The following AACS variants were observed in gnomAD, a reference collection of about 807,000 sequenced individuals.
AACS encodes the protein acetoacetyl-CoA synthetase.
AACS carries 69 observed loss-of-function variants against 83.1 expected under a neutral mutation model. The ratio of observed to expected loss-of-function variants is 0.83; its 90% CI spans 0.68 to 1.01. The LOEUF is 1.01. AACS is among the 50% of genes least tolerant of loss of function. AACS has a pLI of 0.00. For synonymous variants in AACS, 333 were observed against 343.4 expected, an observed-to-expected ratio of 0.97 and a Z score of 0.33; for missense variants, 866 against 882.2, an observed-to-expected ratio of 0.98 and a Z score of 0.23.
Position 125,091,502 on chromosome 12 carries a change from G to A in AACS, c.549G>A (p.Thr183=), listed in dbSNP as rs778921424. ...AASIGAIWSS[T]SPDFGVNGVL... ...GCATTGGTGCCATCTGGAGCTCCACGTCCCCGGACTTCGGTGTGAATGTGA... is the reference window on the plus strand; with the variant it reads ...GCATTGGTGCCATCTGGAGCTCCACATCCCCGGACTTCGGTGTGAATGTGA... Residue 183 remains threonine (T), a synonymous_variant, in exon 5 of 18, where the codon ACG becomes ACA. Coordinates refer to ENST00000316519, the MANE Select transcript of AACS (RefSeq NM_023928.5). 64 of 1,614,114 alleles carry A rather than the reference G, an allele frequency of 4.0e-5. No homozygotes were observed. The Middle Eastern group carries it at 4.9e-4, about 12-fold the overall frequency.
chr12:125,074,981 T>G, intron 2 of AACS, among the ~76,000 whole-genome samples: 1 of 149,828 alleles, frequency 6.7e-6, no homozygotes, highest in East Asian at 2.0e-4. Flanking sequence ...CATAGTTTTT[T>G]TTTTTTTTTT....
chr12:125,086,263 A>C, intron 3 of AACS, 67 bp from the exon 4 acceptor site: 1 of 1,368,918 alleles, frequency 7.3e-7, no homozygotes, highest in African/African-American at 1.4e-5. Context: ...TTTTTCATTC[A>C]GTGTCTGGCT....
chr12:125,129,366 GGT>G lies in AACS; in HGVS notation c.1460_1461del (p.Cys487TyrfsTer2), dbSNP rs1957295722. ...KAVWGESGEL[V>X]CTKPIPCQPT... is the part of the protein sequence containing the mutation. ...CGGTCTGGGGAGAGAGCGGCGAGCT[GGT>G]GTGTACTAAGCCGATCCCTTGCCAG... On this transcript the variant is annotated frameshift_variant, in exon 14 of 18. Coordinates refer to ENST00000316519, the MANE Select transcript of AACS (RefSeq NM_023928.5). LOFTEE classifies it high-confidence loss of function. The surrounding 1 kb of genome is among the most constrained non-coding windows in gnomAD (Gnocchi z 4.3). 3 of 1,613,740 alleles carry G rather than the reference GGT, an allele frequency of 1.9e-6. No homozygotes were observed. In the African/African-American group the frequency reaches 4.0e-5, roughly 22 times the overall value.
chr12:125,136,612 CACA>C (rs1326252462), intron 16 of AACS, 47 bp from the exon 17 acceptor site: 1 of 1,563,800 alleles, frequency 6.4e-7, no homozygotes. Flanking sequence ...GGCCCGACCC[CACA>C]CTGAGGGGCC....
intron 5 of AACS, among the ~76,000 whole-genome samples, chr12:125,096,231 G>A (rs1956605277): frequency 6.6e-6 from 1 of 152,258 alleles, no homozygotes; most frequent in Non-Finnish European, 1.5e-5. Flanking sequence ...ACAGGCATGA[G>A]CCACTGTGCC....
chr12:125,071,156 A>C (rs1311930950), intron 1 of AACS, among the ~76,000 whole-genome samples: 1 of 152,194 alleles, frequency 6.6e-6, no homozygotes. Context: ...AAGGTAGTGC[A>C]GGAGACATCT....
rs766044159 is a variant in AACS, at chr12:125,129,310, C to T, written c.1424-25C>T. On this transcript the variant is annotated intron_variant, in intron 13 of 17. Coordinates refer to ENST00000316519, the MANE Select transcript of AACS (RefSeq NM_023928.5). The surrounding 1 kb of genome is among the most constrained non-coding windows in gnomAD (Gnocchi z 4.3). ...GTGTGTGGCTGTGGTGTGTGTTGGG[C>T]TTATTTTTAATTCTCCCATACCAGG... 2.5e-6 allele frequency: 4 copies of T among 1,604,200 alleles called. No individual in the cohort carries two copies. The highest frequency in any genetic ancestry group is 3.4e-5 in the Admixed American group (2 of 58,320).
chr12:125,136,806 G>A lies in AACS; in HGVS notation c.1823G>A (p.Arg608His), dbSNP rs746208598. ...GTTAAGAGGATCCGTGACGCCATCC[G>A]CATGGGCTTGTCTGCGCGACACGTG... Reference protein sequence around the residue: ...DLVKRIRDAIRMGLSARHVPS... With the variant: ...DLVKRIRDAIHMGLSARHVPS... Residue 608 changes from arginine to histidine, a missense_variant, in exon 17 of 18, where the codon CGC becomes CAC. Coordinates refer to ENST00000316519, the MANE Select transcript of AACS (RefSeq NM_023928.5). The A allele has an allele frequency of 9.3e-6, 15 of 1,613,886 alleles. 1 individual carries two copies. Among genetic ancestry groups the A allele is most frequent in the South Asian group, 2.2e-5 (2 of 91,082 alleles).
In AACS at chr12:125,070,174, T is replaced by G. The variant is rs113017055; in HGVS notation, c.134-3702T>G. ...GAAGGTGCTGTATAAACTGCGTGCATTTTACAAGCGGTTGCGGTTCTCCTG... is the reference window on the plus strand; with the variant it reads ...GAAGGTGCTGTATAAACTGCGTGCAGTTTACAAGCGGTTGCGGTTCTCCTG... On this transcript the variant is annotated intron_variant, in intron 1 of 17. Coordinates refer to ENST00000316519, the MANE Select transcript of AACS (RefSeq NM_023928.5). Among the ~76,000 whole-genome samples, 77 of 152,290 alleles carry G rather than the reference T, an allele frequency of 5.1e-4. 1 individual carries two copies. Among genetic ancestry groups the G allele is most frequent in the African/African-American group, 1.8e-3 (76 of 41,548 alleles).
At position 125,114,376 on chromosome 12, in the gene AACS, C is replaced by T. The variant is rs1203190052; in HGVS notation, c.916-101C>T. 4 of 889,396 alleles carry T rather than the reference C, an allele frequency of 4.5e-6. No individual in the cohort carries two copies. In the Admixed American group the frequency reaches 1.0e-4, roughly 23 times the overall value. 55.1% of individuals were successfully genotyped at this position (889,396 alleles called of 1,614,324 possible). On this transcript the variant is annotated intron_variant, in intron 8 of 17. Transcript: ENST00000316519. ...GAAAGAAAATGGGGATCTGCTGGGG[C>T]TTCTTCCTGGCAGCGTCTGAGCAGC... is the stretch of plus-strand genomic sequence containing the variant.
intron 9 of AACS, among the ~76,000 whole-genome samples, chr12:125,115,019 G>T (rs1025701734): frequency 6.6e-6 from 1 of 152,186 alleles, no homozygotes; most frequent in South Asian, 2.1e-4. Flanking sequence ...CTTCCCCAGC[G>T]CACGGTGTCG....
intron 1 of AACS, among the ~76,000 whole-genome samples, chr12:125,069,214 C>T (rs1272914362): frequency 1.3e-5 from 2 of 152,318 alleles, no homozygotes; most frequent in African/African-American, 4.8e-5. Flanking sequence ...CAGAGGCTCA[C>T]TTGTAGCCTG....
chr12:125,107,352 G>A lies in AACS; in HGVS notation c.915+84G>A, dbSNP rs1225449480. On this transcript the variant is annotated intron_variant, in intron 8 of 17. Transcript: ENST00000316519. ...CTCCCAGCTGATGATGGCAGTGTTG[G>A]AGTTGTCAAACTGCACCCCATCCCC... 5 of 1,547,416 alleles carry A rather than the reference G, an allele frequency of 3.2e-6. No homozygotes were observed. The African/African-American group carries it at 5.4e-5, about 17-fold the overall frequency.
At chr12:125,115,871 G>T (rs1001423942) in intron 9 of AACS, among the ~76,000 whole-genome samples, 1 of 151,898 alleles carries the variant, frequency 6.6e-6, no homozygotes, top group African/African-American at 2.4e-5. Context: ...ATGCAGAAAG[G>T]GTCAGACCCC....
rs1956486007 is a variant in AACS, at chr12:125,091,533, G to T, written c.570+10G>T. 2 of 1,614,100 alleles carry T rather than the reference G, an allele frequency of 1.2e-6. No homozygotes were observed. The highest frequency in any genetic ancestry group is 1.7e-6 in the Non-Finnish European group (2 of 1,179,916). On this transcript the variant is annotated intron_variant, in intron 5 of 17. Transcript: ENST00000316519. ...GGACTTCGGTGTGAATGTGAGTCAG[G>T]GTCTGTGACAGAGGGGGCACCCCTT...
chr12:125,082,160 C>T lies in AACS; in HGVS notation c.359-4170C>T, dbSNP rs1049052080. ...CTGAGATTACAGGCATGAGCCACTGCGCCCAGCCTGATTTTTTTTTTTTTT... is the reference window on the plus strand; with the variant it reads ...CTGAGATTACAGGCATGAGCCACTGTGCCCAGCCTGATTTTTTTTTTTTTT... On this transcript the variant is annotated intron_variant, in intron 3 of 17. Transcript: ENST00000316519. Among the ~76,000 whole-genome samples the T allele has an allele frequency of 1.7e-4, 23 of 134,002 alleles. No individual in the cohort carries two copies. The Middle Eastern group carries it at 0.015, about 87-fold the overall frequency. 87.9% of individuals were successfully genotyped at this position (134,002 alleles called of 152,430 possible). A position where few individuals can be genotyped will look rare whatever the true frequency, so the allele number is the denominator to read the frequency against.
intron 5 of AACS, chr12:125,101,106 TA>T (rs1956699928): frequency 6.6e-6 from 1 of 152,250 alleles, no homozygotes; most frequent in African/African-American, 2.4e-5. Flanking sequence ...GGGCGATGGC[TA>T]CCCATGTTTG....
At chr12:125,126,114 C>A (rs538580319) in intron 12 of AACS, 1 of 152,112 alleles carries the variant, frequency 6.6e-6, no homozygotes, top group Non-Finnish European at 1.5e-5. Flanking sequence ...TGTGCCACCA[C>A]GCCCAGCTAA....
At chr12:125,067,894 T>C (rs1217978490) in intron 1 of AACS, among the ~76,000 whole-genome samples, 3 of 152,208 alleles carry the variant, frequency 2.0e-5, no homozygotes, top group South Asian at 4.1e-4. Flanking sequence ...GAGGAAGTCA[T>C]TGGATCTCTT....
Sources: allele counts gnomAD v4.1 joint callset (sites outside exome capture counted in the v4.1 genomes callset), GRCh38; gene constraint gnomAD v4.1.1; non-coding constraint Gnocchi (gnomAD v3.1); transcripts MANE v1.5; gene names NCBI Gene and HGNC (gene_info 2026-07-23, HGNC 2026-07-21).